Variants in NRG3 observed in about 807,000 individuals in gnomAD.
The protein encoded by NRG3 is neuregulin 3.
In NRG3, 31 loss-of-function variants were observed where a neutral mutation model predicts 66.9. The ratio of observed to expected loss-of-function variants is 0.46; its 90% confidence interval spans 0.35 to 0.63. The LOEUF is 0.63. NRG3 is among the 20% of genes least tolerant of loss of function. The probability of loss-of-function intolerance (pLI) is 0.00; values close to 1 mark genes in which losing one functional copy is unlikely to be tolerated. For synonymous variants in NRG3, 393 were observed against 359.4 expected (o/e 1.09, Z -1.06); for missense variants, 910 against 878.9 (o/e 1.04, Z -0.45).
chr10:82,413,112 G>A (rs139937351), intron 2 of NRG3, among the ~76,000 whole-genome samples: 126 of 152,242 alleles, frequency 8.3e-4, no homozygotes, highest in African/African-American at 2.7e-3. Context: ...ATCTAAAATG[G>A]TGAATACTTT....
intron 2 of NRG3, among the ~76,000 whole-genome samples, chr10:82,522,775 T>C (rs1012891079): frequency 4.6e-5 from 7 of 152,212 alleles, no homozygotes; most frequent in African/African-American, 1.7e-4. Flanking sequence ...ATAGCTTTAT[T>C]GAGATATAAT....
At chr10:82,895,648 G>A (rs1468804011) in intron 4 of NRG3, among the ~76,000 whole-genome samples, 1 of 151,970 alleles carries the variant, frequency 6.6e-6, no homozygotes, top group Non-Finnish European at 1.5e-5. Context: ...CTGCCTCCAT[G>A]CCCAGCTAAT....
In NRG3 at chr10:82,985,742, A is replaced by C. The variant is rs1853388451; in HGVS notation, c.*137A>C. On this transcript the variant is annotated 3_prime_UTR_variant, in exon 9 of 9. Coordinates refer to ENST00000372141, the MANE Select transcript of NRG3 (RefSeq NM_001010848.4). ...AAATAGTCTATCGCCCTCATATCATAGTGTTTTTTAACAAAATATTTTTTT... is the reference window on the plus strand; with the variant it reads ...AAATAGTCTATCGCCCTCATATCATCGTGTTTTTTAACAAAATATTTTTTT... The C allele has an allele frequency of 2.2e-6, 2 of 923,058 alleles. No homozygotes were observed. The highest frequency in any genetic ancestry group is 1.7e-5 in the South Asian group (1 of 57,690). 57.2% of individuals were successfully genotyped at this position (923,058 alleles called of 1,614,324 possible).
In NRG3 at chr10:82,462,864, T is replaced by C. The variant is rs182976184; in HGVS notation, c.953+103996T>C. On this transcript the variant is annotated intron_variant, in intron 2 of 8. Transcript: ENST00000372141. The stretch of plus-strand genomic sequence containing the variant: ...AAAGTGGGTAGGCTGATAACTGTCT[T>C]TTTTATTTTTTCCTATTTTGTTGAT... Among the ~76,000 whole-genome samples the C allele has an allele frequency of 3.3e-5, 5 of 152,298 alleles. No individual in the cohort carries two copies. In the East Asian group the frequency reaches 9.7e-4, roughly 29 times the overall value.
At chr10:82,874,695 A>G (rs1025722450) in intron 4 of NRG3, among the ~76,000 whole-genome samples, 1 of 152,204 alleles carries the variant, frequency 6.6e-6, no homozygotes, top group African/African-American at 2.4e-5. Context: ...CTATCTTACA[A>G]ATGACAAAAC....
intron 2 of NRG3, among the ~76,000 whole-genome samples, chr10:82,646,617 T>C (rs1167481219): frequency 6.6e-6 from 1 of 152,194 alleles, no homozygotes; most frequent in Non-Finnish European, 1.5e-5. Flanking sequence ...TTAAGACAGA[T>C]TTTATTCATA....
intron 1 of NRG3, among the ~76,000 whole-genome samples, chr10:81,987,531 C>CA (rs2060572929): frequency 6.6e-6 from 1 of 152,088 alleles, no homozygotes. Flanking sequence ...AAATGACAGT[C>CA]AAGAGTGTGT....
chr10:82,224,522 C>T (rs1410779361), intron 1 of NRG3, among the ~76,000 whole-genome samples: 1 of 152,142 alleles, frequency 6.6e-6, no homozygotes, highest in Admixed American at 6.5e-5. Flanking sequence ...GAACTTCTGA[C>T]AAACCCAGCA....
intron 3 of NRG3, among the ~76,000 whole-genome samples, chr10:82,794,365 A>T (rs1431603734): frequency 6.6e-6 from 1 of 152,108 alleles, no homozygotes; most frequent in African/African-American, 2.4e-5. Flanking sequence ...TATTTCTTTA[A>T]GGTTTTGGTG....
intron 1 of NRG3, among the ~76,000 whole-genome samples, chr10:82,355,184 T>G (rs1331193554): frequency 6.6e-6 from 1 of 152,192 alleles, no homozygotes; most frequent in Admixed American, 6.5e-5. Context: ...AGTTTTTGAT[T>G]ACTAAGATAC....
chr10:82,899,986 G>A (rs1213527633), intron 4 of NRG3, among the ~76,000 whole-genome samples: 2 of 152,190 alleles, frequency 1.3e-5, no homozygotes, highest in Non-Finnish European at 2.9e-5. Context: ...TTAGCTCACC[G>A]TTCTGCAGGC....
chr10:82,939,852 A>G (rs1435819190), intron 4 of NRG3, among the ~76,000 whole-genome samples: 2 of 151,098 alleles, frequency 1.3e-5, no homozygotes, highest in Admixed American at 6.6e-5. Flanking sequence ...GTAACTTTCT[A>G]CCTCCTCCCC....
intron 1 of NRG3, among the ~76,000 whole-genome samples, chr10:82,165,097 T>A (rs920645799): frequency 6.6e-6 from 1 of 152,150 alleles, no homozygotes; most frequent in African/African-American, 2.4e-5. Flanking sequence ...CTATATTGCA[T>A]TCCATTGTAT....
intron 2 of NRG3, among the ~76,000 whole-genome samples, chr10:82,390,925 G>T (rs1480427212): frequency 6.6e-6 from 1 of 152,182 alleles, no homozygotes; most frequent in South Asian, 2.1e-4. Context: ...CAGTTTAGGG[G>T]GAAGTGGGTT....
intron 3 of NRG3, among the ~76,000 whole-genome samples, chr10:82,813,216 T>TTC (rs1398161249): frequency 6.8e-6 from 1 of 147,088 alleles, no homozygotes; most frequent in Non-Finnish European, 1.5e-5. Flanking sequence ...TTTCTCTTTT[T>TTC]TTTTTTTTTT....
intron 1 of NRG3, among the ~76,000 whole-genome samples, chr10:82,104,638 C>A (rs1186414539): frequency 6.6e-6 from 1 of 152,034 alleles, no homozygotes. Context: ...ACAGAATGAA[C>A]AATTGTGGAT....
At chr10:82,038,332 A>T (rs1427295776) in intron 1 of NRG3, among the ~76,000 whole-genome samples, 1 of 152,128 alleles carries the variant, frequency 6.6e-6, no homozygotes, top group African/African-American at 2.4e-5. Context: ...AACTGTCCTG[A>T]GCCCTTTCCA....
intron 1 of NRG3, among the ~76,000 whole-genome samples, chr10:82,062,610 AAAAAG>A (rs2064222023): frequency 6.7e-6 from 1 of 150,008 alleles, no homozygotes. Flanking sequence ...ATCTCAAAAA[AAAAAG>A]AAAAAGAAAA....
At chr10:82,635,219 A>G (rs2050107069) in intron 2 of NRG3, among the ~76,000 whole-genome samples, 1 of 152,098 alleles carries the variant, frequency 6.6e-6, no homozygotes, top group Non-Finnish European at 1.5e-5. Context: ...ATCTTCTTTC[A>G]TCTTCTTTGT....
Sources: allele counts gnomAD v4.1 joint callset (sites outside exome capture counted in the v4.1 genomes callset), GRCh38; gene constraint gnomAD v4.1.1; transcripts MANE v1.5; gene names NCBI Gene and HGNC (gene_info 2026-07-23, HGNC 2026-07-21).